NINL: variants seen among roughly 807,000 people sequenced by gnomAD.
NINL encodes the protein ninein like.
Under a neutral mutation model 160.3 loss-of-function variants are expected in NINL, and 153 were observed. The observed-to-expected ratio is 0.95, with a 90% CI of 0.84 to 1.09. The LOEUF (loss-of-function observed/expected upper bound fraction) is 1.09, where lower values mean the gene tolerates loss of function less well. Among genes scored for constraint, NINL ranks in the 50% least tolerant of loss-of-function variants. The pLI, the probability that NINL is intolerant of heterozygous loss-of-function variation, is 0.00. For missense variants in NINL, 1,829 were observed against 1,764.0 expected (o/e 1.04, Z -0.66); for synonymous variants, 800 against 734.8 (o/e 1.09, Z -1.43).
chr20:25,574,915 AATTCTAAGACAAATG>A (rs1392728098), intron 1 of NINL, among the ~76,000 whole-genome samples: 2 of 152,148 alleles, frequency 1.3e-5, no homozygotes, highest in African/African-American at 4.8e-5. Context: ...AGATGCCACT[AATTCTAAGACAAATG>A]ATGACGAAAA....
intron 1 of NINL, among the ~76,000 whole-genome samples, chr20:25,541,672 A>G (rs2064664863): frequency 6.6e-6 from 1 of 152,222 alleles, no homozygotes. Flanking sequence ...CTTTCTATAT[A>G]TATCATTACA....
At chr20:25,547,368 T>G (rs2064747762) in intron 1 of NINL, among the ~76,000 whole-genome samples, 1 of 152,130 alleles carries the variant, frequency 6.6e-6, no homozygotes, top group African/African-American at 2.4e-5. Flanking sequence ...TGTAAATGTT[T>G]CCTTGAGCTT....
intron 2 of NINL, among the ~76,000 whole-genome samples, chr20:25,523,041 T>A (rs368766650): frequency 4.6e-5 from 7 of 152,202 alleles, no homozygotes; most frequent in East Asian, 3.8e-4. Flanking sequence ...ATGTAGTATT[T>A]GCATATAACC....
chr20:25,573,839 GAA>G (rs2065083614), intron 1 of NINL, among the ~76,000 whole-genome samples: 1 of 152,194 alleles, frequency 6.6e-6, no homozygotes. Context: ...GAGGAGACCT[GAA>G]AAGTTTCCAA....
chr20:25,471,525 C>T (rs1276967447), intron 17 of NINL, among the ~76,000 whole-genome samples: 1 of 152,186 alleles, frequency 6.6e-6, no homozygotes, highest in Non-Finnish European at 1.5e-5. Context: ...GACCACCAAA[C>T]AACTAGATCC....
intron 1 of NINL, among the ~76,000 whole-genome samples, chr20:25,555,887 C>G (rs574818736): frequency 6.6e-6 from 1 of 152,180 alleles, no homozygotes; most frequent in African/African-American, 2.4e-5. Context: ...ATTGGCCAGG[C>G]TGGTCTCGAA....
intron 17 of NINL, among the ~76,000 whole-genome samples, chr20:25,474,644 T>G (rs2063186763): frequency 6.6e-6 from 1 of 152,028 alleles, no homozygotes; most frequent in South Asian, 2.1e-4. Context: ...GGAATCTTGC[T>G]CTGTCACCCA....
chr20:25,460,783 T>G (rs1312633002), intron 21 of NINL, among the ~76,000 whole-genome samples: 6 of 152,080 alleles, frequency 3.9e-5, no homozygotes, highest in Non-Finnish European at 8.8e-5. Context: ...GGGGACCAGG[T>G]GCAGAGGCTC....
Position 25,491,496 on chromosome 20 carries a change from A to G in NINL, c.1340T>C (p.Leu447Pro), listed in dbSNP as rs746402561. 2.5e-6 allele frequency: 4 copies of G among 1,613,908 alleles called. No homozygotes were observed. The African/African-American group carries it at 4.0e-5, about 16-fold the overall frequency. The change falls in exon 11 of 24, where the codon CTG becomes CCG. Residue 447 changes from leucine to proline, a missense_variant. Leu to Pro is a moderately conservative substitution (Grantham distance 98). Transcript: ENST00000278886. The stretch of plus-strand genomic sequence containing the variant: ...CTCCACCTCAGACCGCAGGAGGCTC[A>G]GCCTTTCCCGGTACCCCTGCTCCAG... ...KHLEQGYRER[L>P]SLLRSEVEAE...
chr20:25,520,884 C>A (rs1288635544), intron 2 of NINL, among the ~76,000 whole-genome samples: 1 of 152,204 alleles, frequency 6.6e-6, no homozygotes, highest in East Asian at 1.9e-4. Context: ...CAAAGAGATC[C>A]TGTGTACCCA....
At chr20:25,564,737 GC>G (rs2064981788) in intron 1 of NINL, among the ~76,000 whole-genome samples, 1 of 151,622 alleles carries the variant, frequency 6.6e-6, no homozygotes, top group African/African-American at 2.4e-5. Flanking sequence ...ACAGGTGTGA[GC>G]CATTGCCCCA....
At chr20:25,582,301 C>A (rs2065183588) in intron 1 of NINL, among the ~76,000 whole-genome samples, 1 of 151,928 alleles carries the variant, frequency 6.6e-6, no homozygotes, top group African/African-American at 2.4e-5. Flanking sequence ...TTGCTTAAGT[C>A]CTAACTATTC....
At chr20:25,520,390 CTG>C (rs1289807270) in intron 2 of NINL, among the ~76,000 whole-genome samples, 1 of 152,250 alleles carries the variant, frequency 6.6e-6, no homozygotes, top group Non-Finnish European at 1.5e-5. Flanking sequence ...GAGCACACCT[CTG>C]TTGCTGCCAT....
chr20:25,508,536 G>T (rs1446132663), intron 5 of NINL, among the ~76,000 whole-genome samples: 2 of 152,216 alleles, frequency 1.3e-5, no homozygotes, highest in African/African-American at 4.8e-5. Context: ...CACTGACTGG[G>T]AGCCACTGAC....
At chr20:25,579,618 T>TG (rs2065151269) in intron 1 of NINL, among the ~76,000 whole-genome samples, 1 of 152,136 alleles carries the variant, frequency 6.6e-6, no homozygotes, top group Admixed American at 6.5e-5. Context: ...TCCTGGTGAC[T>TG]GGTTCAAATG....
At chr20:25,492,815 A>G (rs1398921434) in intron 10 of NINL, among the ~76,000 whole-genome samples, 1 of 152,180 alleles carries the variant, frequency 6.6e-6, no homozygotes, top group Non-Finnish European at 1.5e-5. Context: ...CAATGTAAAG[A>G]GTGATACCCC....
At chr20:25,558,693 A>G (rs974635569) in intron 1 of NINL, among the ~76,000 whole-genome samples, 2 of 152,140 alleles carry the variant, frequency 1.3e-5, no homozygotes, top group African/African-American at 4.8e-5. Context: ...TTGCTCTTAC[A>G]TTTTAAAATA....
chr20:25,538,745 G>A lies in NINL; in HGVS notation c.-11-12147C>T, dbSNP rs138173975. ...GAGCACAGAACTAGGAAACACAGGG[G>A]TGGGTAGCACAGAACTGAGGAGAGC... On this transcript the variant is annotated intron_variant, in intron 1 of 23. Coordinates refer to ENST00000278886, the MANE Select transcript of NINL (RefSeq NM_025176.6). Among the ~76,000 whole-genome samples, 362 of 152,110 alleles carry A rather than the reference G, an allele frequency of 2.4e-3. 1 individual carries two copies. The highest frequency in any genetic ancestry group is 8.5e-3 in the African/African-American group (354 of 41,506).
intron 17 of NINL, among the ~76,000 whole-genome samples, chr20:25,473,613 C>T (rs2063159245): frequency 6.6e-6 from 1 of 151,642 alleles, no homozygotes; most frequent in African/African-American, 2.4e-5. Context: ...CACTTGAGGC[C>T]AGGAGTTCAA....
Sources: gnomAD v4.1 joint callset for allele counts (sites outside exome capture counted in the v4.1 genomes callset) on GRCh38, gnomAD v4.1.1 for gene constraint, MANE v1.5 for transcripts, NCBI Gene and HGNC (gene_info 2026-07-23, HGNC 2026-07-21) for gene names.